The following FAF1 variants were observed in gnomAD, a reference collection of about 807,000 sequenced individuals.
FAF1 encodes Fas associated factor 1.
A neutral mutation model predicts 92.5 loss-of-function variants in FAF1; 25 were observed. The ratio of observed to expected loss-of-function variants is 0.27; its 90% CI spans 0.20 to 0.38. The LOEUF is 0.38. Among genes scored for constraint, FAF1 ranks in the 10% least tolerant of loss-of-function variants. The pLI, the probability that FAF1 is intolerant of heterozygous loss-of-function variation, is 1.00. For synonymous variants in FAF1, 234 were observed against 273.2 expected (o/e 0.86, Z 1.42); for missense variants, 636 against 793.3 (o/e 0.80, Z 2.38).
At chr1:50,461,990 T>G (rs1425653568) in intron 18 of FAF1, among the ~76,000 whole-genome samples, 1 of 148,254 alleles carries the variant, frequency 6.7e-6, no homozygotes, top group African/African-American at 2.4e-5. Flanking sequence ...CCTGTGTTAA[T>G]TTTATATATA....
At chr1:50,601,471 C>T (rs553609741) in intron 8 of FAF1, among the ~76,000 whole-genome samples, 7 of 152,090 alleles carry the variant, frequency 4.6e-5, no homozygotes, top group Non-Finnish European at 1.0e-4. Context: ...CACTTGAGGC[C>T]AGCAGTTCGA....
At chr1:50,712,481 C>A (rs1657974647) in intron 6 of FAF1, among the ~76,000 whole-genome samples, 1 of 152,014 alleles carries the variant, frequency 6.6e-6, no homozygotes, top group South Asian at 2.1e-4. Flanking sequence ...CATGGTGAAA[C>A]CCTGTTACTA....
At chr1:50,493,153 C>T (rs1646860213) in intron 15 of FAF1, among the ~76,000 whole-genome samples, 2 of 151,962 alleles carry the variant, frequency 1.3e-5, no homozygotes, top group South Asian at 4.1e-4. Flanking sequence ...CTGCCTCAGC[C>T]TCCCGAGTAG....
At chr1:50,801,800 T>A in intron 2 of FAF1, 123 bp from the exon 3 acceptor site, 1 of 596,460 alleles carries the variant, frequency 1.7e-6, no homozygotes, top group Non-Finnish European at 3.0e-6. Flanking sequence ...TACTAATTTT[T>A]TTAGTGATGC....
At chr1:50,751,049 G>A (rs577977062) in intron 4 of FAF1, among the ~76,000 whole-genome samples, 60 of 140,966 alleles carry the variant, frequency 4.3e-4, no homozygotes, top group South Asian at 1.4e-3. Context: ...ATATGGGGAT[G>A]TACAGTGATG....
intron 7 of FAF1, among the ~76,000 whole-genome samples, chr1:50,669,918 T>G (rs1655792466): frequency 6.6e-6 from 1 of 152,104 alleles, no homozygotes; most frequent in Non-Finnish European, 1.5e-5. Context: ...GGTCGGGAGT[T>G]CGAGACCAGC....
intron 18 of FAF1, among the ~76,000 whole-genome samples, chr1:50,467,763 C>A (rs563673461): frequency 1.3e-5 from 2 of 152,276 alleles, no homozygotes; most frequent in East Asian, 1.9e-4. Context: ...TGACACTGGG[C>A]AAGTTACCTA....
At chr1:50,848,194 TC>T (rs1375953659) in intron 2 of FAF1, among the ~76,000 whole-genome samples, 1 of 151,926 alleles carries the variant, frequency 6.6e-6, no homozygotes, top group Non-Finnish European at 1.5e-5. Flanking sequence ...AAATTAACTT[TC>T]CCCCCACATT....
At chr1:50,548,265 A>G (rs919073492) in intron 13 of FAF1, among the ~76,000 whole-genome samples, 8 of 152,200 alleles carry the variant, frequency 5.3e-5, no homozygotes, top group Admixed American at 4.6e-4. Context: ...GTAATCTAGT[A>G]TATTACTGGG....
chr1:50,888,870 TG>T (rs1644693448), intron 1 of FAF1, among the ~76,000 whole-genome samples: 1 of 152,224 alleles, frequency 6.6e-6, no homozygotes, highest in Admixed American at 6.5e-5. Flanking sequence ...AGGATGATGC[TG>T]GCTTCATAAA....
chr1:50,649,257 A>T (rs1445285085), intron 8 of FAF1, among the ~76,000 whole-genome samples: 3 of 151,850 alleles, frequency 2.0e-5, no homozygotes, highest in African/African-American at 7.3e-5. Context: ...GGTTCAAGCA[A>T]TTCTCTTGCC....
At chr1:50,679,372 G>A (rs1569746862) in intron 7 of FAF1, among the ~76,000 whole-genome samples, 1 of 146,866 alleles carries the variant, frequency 6.8e-6, no homozygotes, top group Admixed American at 6.8e-5. Context: ...AGCATTACAT[G>A]CCATGTGCTT....
intron 8 of FAF1, among the ~76,000 whole-genome samples, chr1:50,649,072 G>A (rs959157723): frequency 2.6e-5 from 4 of 151,690 alleles, no homozygotes; most frequent in East Asian, 2.0e-4. Context: ...GTGAGCCACC[G>A]TGTCCAGCCT....
chr1:50,784,370 T>G (rs985647714), intron 4 of FAF1, among the ~76,000 whole-genome samples: 1 of 151,838 alleles, frequency 6.6e-6, no homozygotes. Flanking sequence ...AATCAACACA[T>G]AAAAATCAGC....
At chr1:50,702,463 C>T (rs1043977649) in intron 7 of FAF1, among the ~76,000 whole-genome samples, 1 of 152,070 alleles carries the variant, frequency 6.6e-6, no homozygotes, top group East Asian at 1.9e-4. Flanking sequence ...CACAGAGTTA[C>T]TGTCACATTC....
intron 6 of FAF1, among the ~76,000 whole-genome samples, chr1:50,734,848 A>G (rs964809133): frequency 4.6e-5 from 7 of 152,190 alleles, no homozygotes; most frequent in Non-Finnish European, 8.8e-5. Flanking sequence ...GGGACATGTG[A>G]GTTGCTAAAT....
chr1:50,689,395 T>A (rs1340425011), intron 7 of FAF1, among the ~76,000 whole-genome samples: 2 of 152,034 alleles, frequency 1.3e-5, no homozygotes, highest in Admixed American at 1.3e-4. Flanking sequence ...CCATCCTCGC[T>A]AACACAGTGA....
At chr1:50,586,965 T>G (rs1651264055) in intron 9 of FAF1, among the ~76,000 whole-genome samples, 1 of 152,166 alleles carries the variant, frequency 6.6e-6, no homozygotes, top group East Asian at 1.9e-4. Flanking sequence ...GTATGACAAA[T>G]CTTCTCACAT....
At chr1:50,641,461 A>T (rs1482654303) in intron 8 of FAF1, among the ~76,000 whole-genome samples, 1 of 152,132 alleles carries the variant, frequency 6.6e-6, no homozygotes, top group African/African-American at 2.4e-5. Context: ...AAAAAATAGT[A>T]TGTTTTTTAT....
Sources: allele counts gnomAD v4.1 joint callset (sites outside exome capture counted in the v4.1 genomes callset), GRCh38; gene constraint gnomAD v4.1.1; transcripts MANE v1.5; gene names NCBI Gene and HGNC (gene_info 2026-07-23, HGNC 2026-07-21).